CLCA1: variants seen among roughly 807,000 people sequenced by gnomAD.
CLCA1 encodes calcium-activated chloride channel regulator 1.
Under a neutral mutation model 85.6 loss-of-function variants are expected in CLCA1, and 59 were observed. The ratio of observed to expected loss-of-function variants is 0.69; its 90% confidence interval spans 0.56 to 0.86. CLCA1 has a LOEUF of 0.86. Among genes scored for constraint, CLCA1 ranks in the 40% least tolerant of loss-of-function variants. The pLI is 0.00. For synonymous variants in CLCA1, 396 were observed against 398.3 expected, an observed-to-expected ratio of 0.99 and a Z score of 0.07; for missense variants, 1,022 against 1,101.4, an observed-to-expected ratio of 0.93 and a Z score of 1.02.
At chr1:86,472,305 A>G (rs1027512608) in intron 1 of CLCA1, among the ~76,000 whole-genome samples, 1 of 152,130 alleles carries the variant, frequency 6.6e-6, no homozygotes, top group Admixed American at 6.5e-5. Flanking sequence ...ATATGAAGTG[A>G]TGGCTCAGCA....
chr1:86,473,354 G>C (rs1175310392), intron 1 of CLCA1, 63 bp from the exon 2 acceptor site: 1 of 1,225,698 alleles, frequency 8.2e-7, no homozygotes, highest in Non-Finnish European at 1.1e-6. Context: ...ATGTGAATTT[G>C]AATGACTGAT....
intron 4 of CLCA1, 129 bp from the exon 5 acceptor site, chr1:86,482,076 T>C (rs866821557): frequency 6.0e-6 from 4 of 662,544 alleles, no homozygotes; most frequent in African/African-American, 5.4e-5. Context: ...TTTGCTATGA[T>C]GGGATGTCCT....
chr1:86,498,872 G>T (rs1250638902), intron 13 of CLCA1, 61 bp downstream of exon 13: 1 of 1,558,568 alleles, frequency 6.4e-7, no homozygotes, highest in African/African-American at 1.4e-5. Context: ...AAGAGCAGAA[G>T]CGGGTGAGGC....
At chr1:86,486,774 G>C (rs372957890) in intron 7 of CLCA1, 21 bp downstream of exon 7, 118 of 1,607,636 alleles carry the variant, frequency 7.3e-5, no homozygotes, top group Non-Finnish European at 9.1e-5. Flanking sequence ...TTTTTCTATT[G>C]TAGTTTGGAA....
At chr1:86,499,601 A>C in intron 13 of CLCA1, 53 bp from the exon 14 acceptor site, 1 of 1,197,456 alleles carries the variant, frequency 8.4e-7, no homozygotes, top group Non-Finnish European at 1.2e-6. Flanking sequence ...ACTGCTTAAG[A>C]AGTTTCTTTA....
intron 4 of CLCA1, among the ~76,000 whole-genome samples, chr1:86,478,390 G>T (rs1647733091): frequency 6.6e-6 from 1 of 152,046 alleles, no homozygotes; most frequent in East Asian, 1.9e-4. Flanking sequence ...TCACACCACT[G>T]CACTCCAGCC....
In CLCA1 at chr1:86,486,711, A is replaced by G. The variant is rs1474947847; in HGVS notation, c.1140A>G (p.Ser380=). 4 of 1,614,100 alleles carry G rather than the reference A, an allele frequency of 2.5e-6. No homozygotes were observed. In the African/African-American group the frequency reaches 5.3e-5, roughly 22 times the overall value. ...TLAKRLPAAA[S]GGTSICSGLR... ...CCAAAAGATTACCTGCAGCAGCTTC[A>G]GGAGGGACGTCCATCTGCAGCGGGC... The change falls in exon 7 of 14, where the codon TCA becomes TCG. Residue 380 remains serine (S), a synonymous_variant. Transcript: ENST00000394711.
Position 86,498,567 on chromosome 1 carries a change from T to C in CLCA1, c.2114-5T>C, listed in dbSNP as rs1453526162. Reference sequence around the variant, plus strand: ...TACCATATTTTGAGTATTTTTTTAATGCAGATGAAATACAATGGAATCCAC... The same window carrying C: ...TACCATATTTTGAGTATTTTTTTAACGCAGATGAAATACAATGGAATCCAC... On this transcript the variant is annotated splice_region_variant and splice_polypyrimidine_tract_variant and intron_variant, in intron 12 of 13. Transcript: ENST00000394711. 5.6e-6 allele frequency: 9 copies of C among 1,610,422 alleles called. No individual in the cohort carries two copies. The highest frequency in any genetic ancestry group is 7.6e-6 in the Non-Finnish European group (9 of 1,177,018).
At chr1:86,475,869 T>C (rs990713289) in intron 3 of CLCA1, among the ~76,000 whole-genome samples, 1 of 152,124 alleles carries the variant, frequency 6.6e-6, no homozygotes, top group African/African-American at 2.4e-5. Context: ...AGGGACCTTG[T>C]ACACCATGTT....
Position 86,494,245 on chromosome 1 carries a change from C to A in CLCA1, c.1739C>A (p.Thr580Lys). 1 of 1,614,180 alleles carries A rather than the reference C, an allele frequency of 6.2e-7. No individual in the cohort carries two copies. Among genetic ancestry groups the A allele is most frequent in the Non-Finnish European group, 8.5e-7 (1 of 1,180,028 alleles). ...TCACAAACCTTGACCCTGACTGTCA[C>A]GTCCCGTGCGTCCAATGCTACCCTG... ...ASSQTLTLTV[T>K]SRASNATLPP... The change falls in exon 11 of 14, where the codon ACG becomes AAG. Residue 580 changes from threonine to lysine, a missense_variant. Physicochemically the swap from Thr to Lys is moderately conservative, Grantham distance 78. Transcript: ENST00000394711.
chr1:86,485,296 T>C, intron 5 of CLCA1, 47 bp from the exon 6 acceptor site: 1 of 1,416,462 alleles, frequency 7.1e-7, no homozygotes, highest in Non-Finnish European at 9.9e-7. Context: ...TTAAATATTC[T>C]ACCACATAGT....
Position 86,485,577 on chromosome 1 carries a change from C to T in CLCA1, c.954+16C>T, listed in dbSNP as rs779935109. On this transcript the variant is annotated intron_variant, in intron 6 of 13. Transcript: ENST00000394711. The stretch of plus-strand genomic sequence containing the variant: ...AAGCATGGCGGTATGTTCAATGAGT[C>T]TTGGTCTTCTGGATGCTGGTCACAG... 3 of 1,609,264 alleles carry T rather than the reference C, an allele frequency of 1.9e-6. 1 individual carries two copies. Among genetic ancestry groups the T allele is most frequent in the Non-Finnish European group, 2.6e-6 (3 of 1,175,672 alleles).
intron 9 of CLCA1, among the ~76,000 whole-genome samples, chr1:86,493,099 A>C (rs1034143293): frequency 2.6e-5 from 4 of 152,214 alleles, no homozygotes; most frequent in African/African-American, 9.7e-5. Context: ...GACAAATGTA[A>C]AGCCTTCTAG....
rs139168398 is a variant in CLCA1 at position 86,469,079 on chromosome 1, C to G, written c.108C>G (p.Val36=). Reference sequence around the variant, plus strand: ...ACAACAATGGCTATGAAGGCATTGTCGTTGCAATCGACCCCAATGTGCCAG... The same window carrying G: ...ACAACAATGGCTATGAAGGCATTGTGGTTGCAATCGACCCCAATGTGCCAG... ...QLNNNGYEGI[V]VAIDPNVPED... is the part of the protein sequence containing the mutation. The change falls in exon 1 of 14, where the codon GTC becomes GTG. Residue 36 remains valine, a synonymous_variant. Coordinates refer to ENST00000394711, the MANE Select transcript of CLCA1 (RefSeq NM_001285.4). The G allele has an allele frequency of 2.5e-6, 4 of 1,611,712 alleles. No homozygotes were observed. Among genetic ancestry groups the G allele is most frequent in the Non-Finnish European group, 3.4e-6 (4 of 1,178,512 alleles).
At chr1:86,473,624 A>T (rs1313434582) in intron 2 of CLCA1, 67 bp downstream of exon 2, 2 of 1,484,248 alleles carry the variant, frequency 1.3e-6, no homozygotes, top group African/African-American at 2.8e-5. Context: ...TAAAATCAAA[A>T]TATTCTAGAA....
At chr1:86,486,802 G>A (rs768789097) in intron 7 of CLCA1, 49 bp downstream of exon 7, 1 of 1,543,698 alleles carries the variant, frequency 6.5e-7, no homozygotes, top group South Asian at 1.1e-5. Context: ...AATTTATGTT[G>A]CTTAACAAAC....
At chr1:86,483,067 G>A (rs1360629549) in intron 5 of CLCA1, among the ~76,000 whole-genome samples, 1 of 152,120 alleles carries the variant, frequency 6.6e-6, no homozygotes, top group Non-Finnish European at 1.5e-5. Context: ...TTTTGGAATA[G>A]AGGGTGCAAT....
rs750719309 is a variant in CLCA1, at chr1:86,493,333, A to T, written c.1465-51A>T. On this transcript the variant is annotated intron_variant, in intron 9 of 13. Coordinates refer to ENST00000394711, the MANE Select transcript of CLCA1 (RefSeq NM_001285.4). Reference sequence around the variant, plus strand: ...AGACAGGGGCAGAAGGGAAAAGATCATGTGATGGGAGCTGTATTCTCCAGA... The same window carrying T: ...AGACAGGGGCAGAAGGGAAAAGATCTTGTGATGGGAGCTGTATTCTCCAGA... The T allele has an allele frequency of 2.1e-6, 3 of 1,420,350 alleles. No homozygotes were observed. The South Asian group carries it at 3.5e-5, about 16-fold the overall frequency. The allele number at this position is 1,420,350 out of a possible 1,614,324, so 88.0% of individuals were successfully genotyped here.
intron 9 of CLCA1, among the ~76,000 whole-genome samples, chr1:86,492,002 TAA>T (rs1648145382): frequency 2.0e-5 from 3 of 151,318 alleles, no homozygotes; most frequent in Non-Finnish European, 2.9e-5. Context: ...AATTGCCTTT[TAA>T]AAGTCTTGAA....
Sources: gnomAD v4.1 joint callset for allele counts (sites outside exome capture counted in the v4.1 genomes callset) on GRCh38, gnomAD v4.1.1 for gene constraint, MANE v1.5 for transcripts, NCBI Gene and HGNC (gene_info 2026-07-23, HGNC 2026-07-21) for gene names.